Variants in PDE10A observed in about 807,000 individuals in gnomAD.
PDE10A encodes the protein phosphodiesterase 10A.
A neutral mutation model predicts 97.7 loss-of-function variants in PDE10A; 39 were observed. The observed-to-expected ratio is 0.40, with a 90% CI of 0.31 to 0.52. The LOEUF (loss-of-function observed/expected upper bound fraction) is 0.52, where lower values mean the gene tolerates loss of function less well. PDE10A is among the 20% of genes least tolerant of loss of function. PDE10A has a pLI of 0.56. For synonymous variants in PDE10A, 371 were observed against 376.8 expected (o/e 0.98, Z 0.18); for missense variants, 731 against 1,047.8 (o/e 0.70, Z 4.17).
chr6:165,964,610 T>C (rs537635899), intron 1 of PDE10A, among the ~76,000 whole-genome samples: 1 of 152,224 alleles, frequency 6.6e-6, no homozygotes, highest in Non-Finnish European at 1.5e-5. Flanking sequence ...ATGCTCCCTA[T>C]GTGCCAGCGA....
At chr6:165,932,648 T>G (rs751048810) in intron 1 of PDE10A, among the ~76,000 whole-genome samples, 6 of 152,204 alleles carry the variant, frequency 3.9e-5, no homozygotes, top group Non-Finnish European at 7.3e-5. Flanking sequence ...ATTTTTGTAT[T>G]TTTAGTAGAG....
intron 1 of PDE10A, among the ~76,000 whole-genome samples, chr6:165,758,511 A>AAGAAGAAAGAAGAAAGAAGAC (rs1554317293): frequency 1.2e-3 from 38 of 32,902 alleles, no homozygotes; most frequent in East Asian, 8.6e-3. Context: ...AGAAAGAAGA[A>AAGAAGAAAGAAGAAAGAAGAC]AGAAGAAGAA....
At chr6:165,650,070 T>A (rs913628461) in intron 1 of PDE10A, among the ~76,000 whole-genome samples, 4 of 152,140 alleles carry the variant, frequency 2.6e-5, no homozygotes, top group African/African-American at 4.8e-5. Flanking sequence ...TGGGATCTTG[T>A]GTAGGAGAAG....
At chr6:165,912,108 T>C (rs564880488) in intron 1 of PDE10A, among the ~76,000 whole-genome samples, 3 of 152,240 alleles carry the variant, frequency 2.0e-5, no homozygotes, top group African/African-American at 7.2e-5. Flanking sequence ...ATCTATTATT[T>C]ATCATCTATC....
chr6:165,911,434 CA>C (rs1782451114), intron 1 of PDE10A, among the ~76,000 whole-genome samples: 1 of 152,172 alleles, frequency 6.6e-6, no homozygotes. Flanking sequence ...TTCCCCCGAA[CA>C]AACTATGTAC....
intron 2 of PDE10A, among the ~76,000 whole-genome samples, chr6:165,486,991 C>T (rs1779959802): frequency 6.6e-6 from 1 of 152,164 alleles, no homozygotes; most frequent in Non-Finnish European, 1.5e-5. Flanking sequence ...CCACGGCTGA[C>T]ACGTGATCAC....
chr6:165,650,014 G>A (rs778827756), intron 1 of PDE10A, among the ~76,000 whole-genome samples: 5 of 152,184 alleles, frequency 3.3e-5, no homozygotes, highest in Non-Finnish European at 5.9e-5. Flanking sequence ...TAACCACAAG[G>A]GGTAGTGATG....
rs1430703810 is a variant in PDE10A at position 165,983,745 on chromosome 6, G to A, written c.-615+3784C>T. ...TATACTTTTCTCTGTTTTACAGTGTGTGTACAGTCACATTTGGCTTAGAGG... is the reference window on the plus strand; with the variant it reads ...TATACTTTTCTCTGTTTTACAGTGTATGTACAGTCACATTTGGCTTAGAGG... On this transcript the variant is annotated intron_variant, in intron 1 of 19. Transcript: ENST00000366882. 2.0e-5 allele frequency among the ~76,000 whole-genome samples: 3 copies of A among 152,190 alleles called. No individual in the cohort carries two copies. The East Asian group carries it at 5.8e-4, about 29-fold the overall frequency.
At chr6:165,757,734 T>G (rs1435795577) in intron 1 of PDE10A, among the ~76,000 whole-genome samples, 2 of 152,188 alleles carry the variant, frequency 1.3e-5, no homozygotes, top group Non-Finnish European at 2.9e-5. Context: ...ATTACTGAGG[T>G]TTTACAAGAT....
In PDE10A at chr6:165,885,945, A is replaced by G. The variant is rs151291189; in HGVS notation, c.-615+101584T>C. Reference sequence around the variant, plus strand: ...TAAGTAAGTTTAAATGTGGGATTTTATATACCTTATATAACTTTAGACGTC... The same window carrying G: ...TAAGTAAGTTTAAATGTGGGATTTTGTATACCTTATATAACTTTAGACGTC... On this transcript the variant is annotated intron_variant, in intron 1 of 19. Transcript: ENST00000366882. 8.6e-4 allele frequency among the ~76,000 whole-genome samples: 131 copies of G among 152,346 alleles called. 1 individual carries two copies. The East Asian group carries it at 0.021, about 24-fold the overall frequency.
chr6:165,681,424 GTGTGTC>G (rs1281703953), intron 1 of PDE10A, among the ~76,000 whole-genome samples: 1 of 149,100 alleles, frequency 6.7e-6, no homozygotes, highest in Non-Finnish European at 1.5e-5. Flanking sequence ...GTGTGTGTGT[GTGTGTC>G]TGTGTGCATT....
chr6:165,656,258 TCACA>T (rs3083000), intron 1 of PDE10A, among the ~76,000 whole-genome samples: 6,014 of 129,734 alleles, frequency 0.046, 183 homozygotes, highest in East Asian at 0.088. Flanking sequence ...TCTCTCTCTC[TCACA>T]CACACACACA....
intron 1 of PDE10A, chr6:165,781,655 A>T (rs1331467302): frequency 6.6e-6 from 1 of 152,440 alleles, no homozygotes; most frequent in Non-Finnish European, 1.5e-5. Flanking sequence ...GGCCCAAGGT[A>T]ATCACAAAGG....
intron 1 of PDE10A, among the ~76,000 whole-genome samples, chr6:165,915,467 G>T (rs2128487188): frequency 6.6e-6 from 1 of 152,338 alleles, no homozygotes; most frequent in East Asian, 1.9e-4. Flanking sequence ...TGTTACACCT[G>T]CTGTCACATG....
intron 1 of PDE10A, among the ~76,000 whole-genome samples, chr6:165,880,343 CTG>C (rs558955492): frequency 1.5e-3 from 234 of 152,290 alleles, no homozygotes; most frequent in African/African-American, 5.3e-3. Context: ...GTTCAAATTA[CTG>C]TGTAGTTTCT....
At chr6:165,594,038 TG>T (rs1562612453) in intron 1 of PDE10A, among the ~76,000 whole-genome samples, 1 of 152,232 alleles carries the variant, frequency 6.6e-6, no homozygotes. Context: ...AAGAATCCTA[TG>T]GTACTGGATT....
chr6:165,878,747 T>C (rs1028084080), intron 1 of PDE10A, among the ~76,000 whole-genome samples: 2 of 152,102 alleles, frequency 1.3e-5, no homozygotes, highest in Non-Finnish European at 2.9e-5. Flanking sequence ...AGGTGGGCCC[T>C]TATAAGAAGG....
At chr6:165,524,622 T>A (rs1782319386) in intron 2 of PDE10A, among the ~76,000 whole-genome samples, 1 of 152,118 alleles carries the variant, frequency 6.6e-6, no homozygotes, top group Non-Finnish European at 1.5e-5. Context: ...GTCTCCTGGC[T>A]TCAGAAGCAG....
chr6:165,729,025 C>T (rs1202360156), intron 1 of PDE10A, among the ~76,000 whole-genome samples: 1 of 152,044 alleles, frequency 6.6e-6, no homozygotes, highest in Non-Finnish European at 1.5e-5. Flanking sequence ...TGGTGAGACC[C>T]TATCTCTACA....
Sources: gnomAD v4.1 joint callset for allele counts (sites outside exome capture counted in the v4.1 genomes callset) on GRCh38, gnomAD v4.1.1 for gene constraint, MANE v1.5 for transcripts, NCBI Gene and HGNC (gene_info 2026-07-23, HGNC 2026-07-21) for gene names.